Variants in TANC1 observed in about 807,000 individuals in gnomAD.
TANC1 encodes the protein tetratricopeptide repeat, ankyrin repeat and coiled-coil containing 1.
A neutral mutation model predicts 149.7 loss-of-function variants in TANC1; 77 were observed. The ratio of observed to expected loss-of-function variants is 0.51; its 90% confidence interval spans 0.43 to 0.62. The LOEUF (loss-of-function observed/expected upper bound fraction) is 0.62, where lower values mean the gene tolerates loss of function less well. TANC1 is among the 20% of genes least tolerant of loss of function. TANC1 has a pLI of 0.00. For synonymous variants in TANC1, 854 were observed against 925.0 expected, an observed-to-expected ratio of 0.92 and a Z score of 1.39; for missense variants, 1,985 against 2,321.8, an observed-to-expected ratio of 0.85 and a Z score of 2.98.
intron 4 of TANC1, among the ~76,000 whole-genome samples, chr2:159,119,589 G>A (rs915590207): frequency 5.3e-5 from 8 of 152,182 alleles, no homozygotes; most frequent in Non-Finnish European, 1.0e-4. Flanking sequence ...ATCAACCTGA[G>A]CTGTAGCATG....
chr2:159,210,589 A>G (rs897167311), intron 19 of TANC1, among the ~76,000 whole-genome samples: 2 of 151,064 alleles, frequency 1.3e-5, no homozygotes, highest in Non-Finnish European at 2.9e-5. Flanking sequence ...TTTTTTTGAG[A>G]TGGTGTCTTG....
chr2:159,000,688 G>C (rs2036545708), intron 1 of TANC1, among the ~76,000 whole-genome samples: 1 of 151,966 alleles, frequency 6.6e-6, no homozygotes, highest in Non-Finnish European at 1.5e-5. Flanking sequence ...CATACTCAAG[G>C]GACATCCGAG....
intron 4 of TANC1, among the ~76,000 whole-genome samples, chr2:159,105,387 A>G (rs1238180700): frequency 6.6e-6 from 1 of 152,230 alleles, no homozygotes; most frequent in African/African-American, 2.4e-5. Flanking sequence ...ACATATAACA[A>G]AATTGACCAT....
intron 10 of TANC1, among the ~76,000 whole-genome samples, chr2:159,171,853 C>A (rs1445487034): frequency 9.7e-4 from 6 of 6,200 alleles, no homozygotes; most frequent in African/African-American, 4.3e-3. Flanking sequence ...TGAGACTCCG[C>A]CTTAAAAAAA....
In TANC1 at chr2:159,103,856, G is replaced by A. The variant is rs530047621; in HGVS notation, c.259+6022G>A. On this transcript the variant is annotated intron_variant, in intron 4 of 26. Transcript: ENST00000263635. ...CTTATGTCAGCCAGCCTGTGCCGAT[G>A]TTCTGCCTGTACGTTGTTGGCTTGT... Among the ~76,000 whole-genome samples the A allele has an allele frequency of 6.2e-5, 6 of 97,292 alleles. 1 individual carries two copies. Among genetic ancestry groups the A allele is most frequent in the African/African-American group, 1.7e-4 (6 of 35,166 alleles). 63.8% of individuals were successfully genotyped at this position (97,292 alleles called of 152,430 possible). A position where few individuals can be genotyped will look rare whatever the true frequency, so the allele number is the denominator to read the frequency against.
chr2:159,031,252 C>T (rs1217826790), intron 2 of TANC1, among the ~76,000 whole-genome samples: 1 of 152,202 alleles, frequency 6.6e-6, no homozygotes, highest in Non-Finnish European at 1.5e-5. Flanking sequence ...TAGAAATTCC[C>T]GCTGGGTTGA....
intron 3 of TANC1, among the ~76,000 whole-genome samples, chr2:159,069,228 A>G (rs983438106): frequency 6.6e-6 from 1 of 152,140 alleles, no homozygotes; most frequent in Non-Finnish European, 1.5e-5. Flanking sequence ...AAACTTTACC[A>G]TGTTTTTTTA....
At chr2:159,203,294 A>G (rs111980315) in intron 19 of TANC1, among the ~76,000 whole-genome samples, 497 of 149,872 alleles carry the variant, frequency 3.3e-3, no homozygotes, top group Middle Eastern at 0.017. Flanking sequence ...GCAACCTCCA[A>G]CTCCCTGGTT....
intron 4 of TANC1, among the ~76,000 whole-genome samples, chr2:159,125,892 TC>T (rs1259449430): frequency 6.6e-6 from 1 of 152,066 alleles, no homozygotes; most frequent in Non-Finnish European, 1.5e-5. Flanking sequence ...CCGGCCTAGG[TC>T]CCCATTTCTT....
intron 7 of TANC1, among the ~76,000 whole-genome samples, chr2:159,159,270 A>G (rs765501167): frequency 1.3e-4 from 19 of 151,922 alleles, no homozygotes; most frequent in Non-Finnish European, 7.4e-5. Context: ...ACATGGCGGC[A>G]CCCTGTCTCT....
At chr2:159,072,387 A>C (rs935760839) in intron 3 of TANC1, among the ~76,000 whole-genome samples, 2 of 152,214 alleles carry the variant, frequency 1.3e-5, no homozygotes, top group African/African-American at 4.8e-5. Context: ...GTCAAGAAAA[A>C]GCATGGACTT....
At chr2:159,181,235 T>G (rs868122038) in intron 14 of TANC1, among the ~76,000 whole-genome samples, 42 of 152,204 alleles carry the variant, frequency 2.8e-4, no homozygotes, top group Non-Finnish European at 1.6e-4. Context: ...TCATTTTTCA[T>G]GGTTGTGCAA....
chr2:159,163,489 G>A lies in TANC1; in HGVS notation c.889G>A (p.Val297Ile). Residue 297 changes from valine (V) to isoleucine (I), a missense_variant, in exon 8 of 27, where the codon GTC (valine) becomes ATC (isoleucine). Around this residue, in one of 3 missense-constraint regions of TANC1, gnomAD observed 557 missense variants for 612.9 expected, o/e 0.91. Transcript: ENST00000263635. ...AGAATCCTCAGCTGGAGATGGTCCA[G>A]TCCCTTATTCTCAGGGCTCCAGCTC... is the stretch of plus-strand genomic sequence containing the variant. ...KAESSAGDGP[V>I]PYSQGSSSLI... 2 of 1,613,592 alleles carry A rather than the reference G, an allele frequency of 1.2e-6. No homozygotes were observed. Among genetic ancestry groups the A allele is most frequent in the Non-Finnish European group, 1.7e-6 (2 of 1,179,972 alleles).
At chr2:159,178,506 A>T (rs754360476) in intron 13 of TANC1, 50 bp from the exon 14 acceptor site, 3 of 1,509,476 alleles carry the variant, frequency 2.0e-6, no homozygotes, top group Non-Finnish European at 2.7e-6. Flanking sequence ...GTTAAAATAA[A>T]AAAGGAATCT....
chr2:159,184,454 G>A (rs921155300), intron 14 of TANC1, among the ~76,000 whole-genome samples: 1 of 152,084 alleles, frequency 6.6e-6, no homozygotes, highest in Non-Finnish European at 1.5e-5. Flanking sequence ...GCCACCAAGG[G>A]GTGTGTGGTC....
In TANC1 at chr2:159,136,050, G is replaced by A. The variant is rs1373092166; in HGVS notation, c.260-144G>A. The A allele has an allele frequency of 2.8e-4, 59 of 208,220 alleles. 2 individuals are homozygous for A. The African/African-American group carries it at 2.9e-3, about 10-fold the overall frequency. The allele number at this position is 208,220 out of a possible 1,614,324, so 12.9% of individuals were successfully genotyped here. ...TGTGTGTGTGTGTGTGTGTGTGTGTGCGCGCGCGCGCGTTTAAGGGAGGGG... is the reference window on the plus strand; with the variant it reads ...TGTGTGTGTGTGTGTGTGTGTGTGTACGCGCGCGCGCGTTTAAGGGAGGGG... On this transcript the variant is annotated intron_variant, in intron 4 of 26. Transcript: ENST00000263635.
chr2:159,133,988 A>G (rs62171092), intron 4 of TANC1, among the ~76,000 whole-genome samples: 3,161 of 152,344 alleles, frequency 0.021, 33 homozygotes, highest in East Asian at 0.047. Context: ...TTTAGATGGC[A>G]GCATCTCTCG....
chr2:159,152,022 G>GTC (rs78826023), intron 7 of TANC1, among the ~76,000 whole-genome samples: 5,167 of 152,264 alleles, frequency 0.034, 118 homozygotes, highest in African/African-American at 0.067. Flanking sequence ...CCCAGTCCTA[G>GTC]TCAACCAGTA....
At chr2:159,024,355 G>A (rs766567456) in intron 2 of TANC1, among the ~76,000 whole-genome samples, 8 of 152,132 alleles carry the variant, frequency 5.3e-5, no homozygotes, top group Non-Finnish European at 7.4e-5. Context: ...AGTATTGTAC[G>A]GTAATGTCCC....
Sources: gnomAD v4.1 joint callset for allele counts (sites outside exome capture counted in the v4.1 genomes callset) on GRCh38, gnomAD v4.1.1 for gene constraint, gnomAD v4.1.1 regional missense constraint, MANE v1.5 for transcripts, NCBI Gene and HGNC (gene_info 2026-07-23, HGNC 2026-07-21) for gene names.